PCSK1: variants seen among roughly 807,000 people sequenced by gnomAD.
PCSK1 encodes proprotein convertase subtilisin/kexin type 1.
PCSK1 carries 56 observed loss-of-function variants against 90.6 expected under a neutral mutation model. The observed-to-expected ratio is 0.62, with a 90% confidence interval of 0.50 to 0.77. The LOEUF is 0.77. Ranked by LOEUF, PCSK1 falls within the 30% of genes least tolerant of loss-of-function variation. PCSK1 has a pLI of 0.00. For missense variants in PCSK1, 801 were observed against 932.6 expected (o/e 0.86, Z 1.84); for synonymous variants, 348 against 342.4 (o/e 1.02, Z -0.18).
In PCSK1 at chr5:96,400,162, C is replaced by T. The variant is rs779522417; in HGVS notation, c.1221G>A (p.Met407Ile). Residue 407 changes from methionine to isoleucine, a missense_variant, in exon 10 of 14, where the codon ATG becomes ATA. Transcript: ENST00000311106. ...CAGAGGTCCAGACAACCAGGTGCTG[C>T]ATATCTCGCCAGGTGAGATTTGGGC... Reference protein sequence around the residue: ...EANPNLTWRDMQHLVVWTSEY... With the variant: ...EANPNLTWRDIQHLVVWTSEY... The T allele has an allele frequency of 6.8e-6, 11 of 1,613,910 alleles. No homozygotes were observed. In the East Asian group the frequency reaches 2.4e-4, roughly 36 times the overall value.
chr5:96,392,018 T>C lies in PCSK1; in HGVS notation c.*983A>G, dbSNP rs1759961311. Reference sequence around the variant, plus strand: ...AAATACTTAGAACACGCTGTTCTAATGAACACAGTTGGAAAAAAACAAAAA... The same window carrying C: ...AAATACTTAGAACACGCTGTTCTAACGAACACAGTTGGAAAAAAACAAAAA... On this transcript the variant is annotated 3_prime_UTR_variant, in exon 14 of 14. Transcript: ENST00000311106. 6.6e-6 allele frequency: 1 copy of C among 152,178 alleles called. No homozygotes were observed. Among genetic ancestry groups the C allele is most frequent in the South Asian group, 2.1e-4 (1 of 4,826 alleles). The allele number at this position is 152,178 out of a possible 1,614,324, so 9.4% of individuals were successfully genotyped here. A position where few individuals can be genotyped will look rare whatever the true frequency, so the allele number is the denominator to read the frequency against.
chr5:96,403,955 G>T (rs1760471280), intron 9 of PCSK1, among the ~76,000 whole-genome samples: 1 of 152,228 alleles, frequency 6.6e-6, no homozygotes, highest in African/African-American at 2.4e-5. Flanking sequence ...GGTGTGAAGG[G>T]ATTCAATGGT....
At position 96,429,066 on chromosome 5, in the gene PCSK1, G is replaced by T. The variant is rs1020642388; in HGVS notation, c.285+147C>A. Reference sequence around the variant, plus strand: ...TATTATGTGCCATTATAATTTTATGGAAAGAAATTAGAAATAATACAGATA... The same window carrying T: ...TATTATGTGCCATTATAATTTTATGTAAAGAAATTAGAAATAATACAGATA... On this transcript the variant is annotated intron_variant, in intron 2 of 13. Transcript: ENST00000311106. The T allele has an allele frequency of 1.5e-5, 9 of 585,790 alleles. No homozygotes were observed. In the African/African-American group the frequency reaches 1.7e-4, roughly 11 times the overall value. The allele number at this position is 585,790 out of a possible 1,614,324, so 36.3% of individuals were successfully genotyped here.
At chr5:96,397,660 C>T (rs1760205863) in intron 11 of PCSK1, among the ~76,000 whole-genome samples, 191 bp from the exon 12 acceptor site, 1 of 151,990 alleles carries the variant, frequency 6.6e-6, no homozygotes, top group Admixed American at 6.6e-5. Context: ...TAGCACATTG[C>T]CTGGCATATA....
chr5:96,426,851 A>G (rs1170698049), intron 2 of PCSK1, among the ~76,000 whole-genome samples: 3 of 152,222 alleles, frequency 2.0e-5, no homozygotes, highest in Non-Finnish European at 4.4e-5. Context: ...GGATAAAACC[A>G]TCCACTAAGA....
intron 8 of PCSK1, among the ~76,000 whole-genome samples, chr5:96,409,050 C>T (rs1002811711): frequency 2.2e-4 from 34 of 152,150 alleles, no homozygotes; most frequent in African/African-American, 7.2e-4. Flanking sequence ...GAGACTTACC[C>T]GAGATGTTCT....
chr5:96,430,874 C>T (rs1761470263), intron 1 of PCSK1, among the ~76,000 whole-genome samples: 1 of 152,078 alleles, frequency 6.6e-6, no homozygotes, highest in African/African-American at 2.4e-5. Flanking sequence ...CAAAGATCCT[C>T]CCAAGAATGA....
chr5:96,416,123 T>C lies in PCSK1; in HGVS notation c.621-2A>G. 1 of 1,598,380 alleles carries C rather than the reference T, an allele frequency of 6.3e-7. No homozygotes were observed. Among genetic ancestry groups the C allele is most frequent in the Non-Finnish European group, 8.6e-7 (1 of 1,165,660 alleles). ...TCTCCTGCACATCTGGTCCCGTGTC[T>C]GAGGATTGAAAAATAAGAATTATAA... On this transcript the variant is annotated splice_acceptor_variant, in intron 5 of 13. Coordinates refer to ENST00000311106, the MANE Select transcript of PCSK1 (RefSeq NM_000439.5). LOFTEE classifies it high-confidence loss of function.
At chr5:96,405,222 G>A (rs896238461) in intron 9 of PCSK1, among the ~76,000 whole-genome samples, 1 of 152,164 alleles carries the variant, frequency 6.6e-6, no homozygotes, top group Non-Finnish European at 1.5e-5. Context: ...GAGTCAAAAT[G>A]AAGGGAATTA....
Position 96,412,305 on chromosome 5 carries a change from T to C in PCSK1, c.882+13A>G. 2 of 1,612,200 alleles carry C rather than the reference T, an allele frequency of 1.2e-6. No individual in the cohort carries two copies. Among genetic ancestry groups the C allele is most frequent in the South Asian group, 1.1e-5 (1 of 91,054 alleles). Reference sequence around the variant, plus strand: ...AGGTTTCATTTCATGTGGGTCTGTGTAAAGCATCTTACCTGTTTGACACCA... The same window carrying C: ...AGGTTTCATTTCATGTGGGTCTGTGCAAAGCATCTTACCTGTTTGACACCA... On this transcript the variant is annotated intron_variant, in intron 7 of 13. Transcript: ENST00000311106.
At chr5:96,411,330 C>G (rs1377821323) in intron 7 of PCSK1, among the ~76,000 whole-genome samples, 1 of 152,222 alleles carries the variant, frequency 6.6e-6, no homozygotes, top group Non-Finnish European at 1.5e-5. Flanking sequence ...TGAACTTCCT[C>G]TCTTTCTTTC....
chr5:96,413,921 C>T, intron 6 of PCSK1, among the ~76,000 whole-genome samples: 1 of 139,366 alleles, frequency 7.2e-6, no homozygotes, highest in Non-Finnish European at 1.5e-5. Flanking sequence ...AGATCGAGAC[C>T]ATCCTGGCTA....
intron 4 of PCSK1, among the ~76,000 whole-genome samples, chr5:96,422,933 T>C (rs1156802059): frequency 6.9e-6 from 1 of 145,040 alleles, no homozygotes; most frequent in Non-Finnish European, 1.5e-5. Flanking sequence ...GTCAGGGATA[T>C]AGACTCATAA....
Position 96,393,285 on chromosome 5 carries a change from C to T in PCSK1, c.1978G>A (p.Glu660Lys), listed in dbSNP as rs750490157. 4 of 1,614,058 alleles carry T rather than the reference C, an allele frequency of 2.5e-6. No individual in the cohort carries two copies. The highest frequency in any genetic ancestry group is 3.3e-5 in the Admixed American group (2 of 60,018). Residue 660 changes from glutamate to lysine, a missense_variant, in exon 14 of 14, where the codon GAG becomes AAG. Physicochemically the swap from Glu to Lys is moderately conservative, Grantham distance 56. Coordinates refer to ENST00000311106, the MANE Select transcript of PCSK1 (RefSeq NM_000439.5). ...AGCATGGCCTGGGAAGGGGCTCCCT[C>T]CTCCAACTCATCCCTCCGGCCCCCT... is the stretch of plus-strand genomic sequence containing the variant. ...SVGGRRDELE[E>K]GAPSQAMLRL...
rs1760601740 is a variant in PCSK1, at chr5:96,407,167, A to G, written c.1196+1056T>C. 2.0e-5 allele frequency among the ~76,000 whole-genome samples: 3 copies of G among 152,344 alleles called. No homozygotes were observed. The South Asian group carries it at 6.2e-4, about 32-fold the overall frequency. ...AAGCAAAGGAAGAAGCCTTAAAGAA[A>G]CAGACTGACAAACATAACTACATAC... On this transcript the variant is annotated intron_variant, in intron 9 of 13. Coordinates refer to ENST00000311106, the MANE Select transcript of PCSK1 (RefSeq NM_000439.5).
At chr5:96,410,714 T>C in intron 8 of PCSK1, 60 bp downstream of exon 8, 1 of 1,360,060 alleles carries the variant, frequency 7.4e-7, no homozygotes, top group South Asian at 1.2e-5. Context: ...AGGGGAATCA[T>C]TTCACATGCA....
chr5:96,432,832 C>T (rs1463103880), intron 1 of PCSK1, 31 bp downstream of exon 1: 24 of 1,606,450 alleles, frequency 1.5e-5, no homozygotes, highest in Non-Finnish European at 2.0e-5. Flanking sequence ...CCTGGGGCCC[C>T]AGAAAGTTTC....
At chr5:96,414,985 T>A (rs1471915470) in intron 6 of PCSK1, among the ~76,000 whole-genome samples, 2 of 152,256 alleles carry the variant, frequency 1.3e-5, no homozygotes, top group Non-Finnish European at 2.9e-5. Flanking sequence ...TATACTCATG[T>A]AGAGTTTAAT....
chr5:96,422,667 T>C (rs1761165321), intron 4 of PCSK1, among the ~76,000 whole-genome samples: 1 of 152,206 alleles, frequency 6.6e-6, no homozygotes, highest in Non-Finnish European at 1.5e-5. Flanking sequence ...GGGGAATGTT[T>C]GATAGGTGGA....
Sources: gnomAD v4.1 joint callset for allele counts (sites outside exome capture counted in the v4.1 genomes callset) on GRCh38, gnomAD v4.1.1 for gene constraint, MANE v1.5 for transcripts, NCBI Gene and HGNC (gene_info 2026-07-23, HGNC 2026-07-21) for gene names.